The following MYO3A variants were observed in gnomAD, a reference collection of about 807,000 sequenced individuals.
The protein encoded by MYO3A is myosin IIIA.
In MYO3A, 180 loss-of-function variants were observed where a neutral mutation model predicts 192.7. The observed-to-expected ratio is 0.93, with a 90% CI of 0.83 to 1.06. The LOEUF (loss-of-function observed/expected upper bound fraction) is 1.06. Ranked by LOEUF, MYO3A falls within the 50% of genes least tolerant of loss-of-function variation. The probability of loss-of-function intolerance (pLI) is 0.00; values close to 1 mark genes in which losing one functional copy is unlikely to be tolerated. For synonymous variants in MYO3A, 628 were observed against 645.3 expected, an observed-to-expected ratio of 0.97 and a Z score of 0.41; for missense variants, 1,896 against 1,905.0, an observed-to-expected ratio of 1.00 and a Z score of 0.09.
intron 17 of MYO3A, among the ~76,000 whole-genome samples, chr10:26,114,710 A>T (rs61840839): frequency 1.6e-4 from 24 of 152,232 alleles, no homozygotes; most frequent in Non-Finnish European, 3.2e-4. Flanking sequence ...AAACAAAAGA[A>T]AACAGTTTGA....
chr10:26,026,288 C>T (rs1268978636), intron 9 of MYO3A, 89 bp from the exon 10 acceptor site: 12 of 1,459,578 alleles, frequency 8.2e-6, no homozygotes, highest in South Asian at 2.4e-5. Context: ...GCATCACTCT[C>T]GTGTGTTAGA....
chr10:25,991,730 A>G (rs1304751699), intron 4 of MYO3A, among the ~76,000 whole-genome samples: 4 of 152,174 alleles, frequency 2.6e-5, no homozygotes, highest in Admixed American at 2.6e-4. Flanking sequence ...CTTTCTACAT[A>G]TGACTAGCCA....
At chr10:25,962,755 A>G (rs1482322762) in intron 4 of MYO3A, among the ~76,000 whole-genome samples, 1 of 152,196 alleles carries the variant, frequency 6.6e-6, no homozygotes, top group Non-Finnish European at 1.5e-5. Context: ...GATTCTTCAA[A>G]TGCTTCCTAC....
Position 26,125,524 on chromosome 10 carries a change from C to A in MYO3A, c.2030C>A (p.Ala677Asp), listed in dbSNP as rs769917492. 2 of 1,613,882 alleles carry A rather than the reference C, an allele frequency of 1.2e-6. No individual in the cohort carries two copies. The highest frequency in any genetic ancestry group is 2.7e-5 in the African/African-American group (2 of 74,916). Residue 677 changes from alanine (A) to aspartate (D), a missense_variant, in exon 19 of 35, where the codon GCC becomes GAC. Coordinates refer to ENST00000642920, the MANE Select transcript of MYO3A (RefSeq NM_017433.5). ...TVEKATDVRD[A>D]MAKTLYGRLF... Reference sequence around the variant, plus strand: ...GAAAAAGCTACCGATGTCAGGGATGCCATGGCTAAAACTTTATATGGACGT... The same window carrying A: ...GAAAAAGCTACCGATGTCAGGGATGACATGGCTAAAACTTTATATGGACGT...
intron 2 of MYO3A, among the ~76,000 whole-genome samples, chr10:25,947,187 A>C (rs1253434381): frequency 2.0e-5 from 3 of 151,784 alleles, no homozygotes; most frequent in African/African-American, 7.3e-5. Context: ...TCTTCTGCCT[A>C]TTCAAGTCTG....
chr10:26,167,299 T>TAA (rs113880655), intron 27 of MYO3A, among the ~76,000 whole-genome samples: 9 of 151,494 alleles, frequency 5.9e-5, no homozygotes, highest in African/African-American at 9.7e-5. Flanking sequence ...TTAAGAGATT[T>TAA]AAAAAAAAAG....
chr10:26,008,158 G>A lies in MYO3A; in HGVS notation c.509-8662G>A, dbSNP rs1216973920. ...AAGGATTCCCTATTTAATAAATGGTGTTGGGAAAACTGGCTAGTCATATGT... is the reference window on the plus strand; with the variant it reads ...AAGGATTCCCTATTTAATAAATGGTATTGGGAAAACTGGCTAGTCATATGT... On this transcript the variant is annotated intron_variant, in intron 6 of 34. Coordinates refer to ENST00000642920, the MANE Select transcript of MYO3A (RefSeq NM_017433.5). Among the ~76,000 whole-genome samples the A allele has an allele frequency of 8.1e-5, 12 of 147,934 alleles. 1 individual carries two copies. Among genetic ancestry groups the A allele is most frequent in the Admixed American group, 6.7e-5 (1 of 15,014 alleles).
chr10:26,180,829 CG>C (rs1250453762), intron 31 of MYO3A, among the ~76,000 whole-genome samples: 1 of 151,748 alleles, frequency 6.6e-6, no homozygotes, highest in Admixed American at 6.6e-5. Context: ...AGATAAAATA[CG>C]GTAAACATGA....
intron 2 of MYO3A, among the ~76,000 whole-genome samples, chr10:25,939,124 T>C (rs1836307283): frequency 6.6e-6 from 1 of 152,106 alleles, no homozygotes; most frequent in Non-Finnish European, 1.5e-5. Flanking sequence ...TTCTGTAATA[T>C]TTCTAGGAAA....
Position 26,120,690 on chromosome 10 carries a change from A to G in MYO3A, c.1791A>G (p.Ile597Met), listed in dbSNP as rs188230903. Reference sequence around the variant, plus strand: ...GTGTGTTTCAGCAACTTGGTAGTATATACAGCATACTCGCTGCAATCTTGA... The same window carrying G: ...GTGTGTTTCAGCAACTTGGTAGTATGTACAGCATACTCGCTGCAATCTTGA... ...IGFTMEQLGS[I>M]YSILAAILNV... is the part of the protein sequence containing the mutation. The change falls in exon 18 of 35, where the codon ATA becomes ATG. Residue 597 changes from isoleucine (I) to methionine (M), a missense_variant. By Grantham distance (10) the Ile-to-Met change is conservative. Coordinates refer to ENST00000642920, the MANE Select transcript of MYO3A (RefSeq NM_017433.5). The G allele has an allele frequency of 1.9e-6, 3 of 1,614,094 alleles. No individual in the cohort carries two copies. The highest frequency in any genetic ancestry group is 1.3e-5 in the African/African-American group (1 of 75,050).
chr10:26,182,687 T>C (rs1394971852), intron 31 of MYO3A, among the ~76,000 whole-genome samples: 1 of 152,240 alleles, frequency 6.6e-6, no homozygotes, highest in Non-Finnish European at 1.5e-5. Context: ...CCACTTCATT[T>C]TGAAAAATAG....
chr10:26,070,486 A>G, intron 14 of MYO3A, 85 bp downstream of exon 14: 1 of 1,142,766 alleles, frequency 8.8e-7, no homozygotes, highest in South Asian at 1.3e-5. Context: ...AATATTCTCT[A>G]GTATCTCACA....
At chr10:26,098,757 T>A (rs891217228) in intron 17 of MYO3A, among the ~76,000 whole-genome samples, 3 of 152,224 alleles carry the variant, frequency 2.0e-5, no homozygotes, top group Non-Finnish European at 2.9e-5. Context: ...TTCTTTTCTG[T>A]TCCATTGGTC....
At chr10:26,210,436 C>T (rs1213992591) in intron 34 of MYO3A, among the ~76,000 whole-genome samples, 1 of 152,196 alleles carries the variant, frequency 6.6e-6, no homozygotes, top group Non-Finnish European at 1.5e-5. Context: ...CACGTTTAAT[C>T]CATCAGTGAG....
chr10:26,061,119 C>T (rs1235429538), intron 10 of MYO3A, among the ~76,000 whole-genome samples: 1 of 151,820 alleles, frequency 6.6e-6, no homozygotes, highest in African/African-American at 2.4e-5. Context: ...TTAGTAGAGA[C>T]GGGGTTTCAC....
At chr10:26,006,879 T>G (rs1841255579) in intron 6 of MYO3A, among the ~76,000 whole-genome samples, 1 of 151,416 alleles carries the variant, frequency 6.6e-6, no homozygotes, top group Non-Finnish European at 1.5e-5. Context: ...TAACTCATTT[T>G]ATGAGGCCAG....
intron 2 of MYO3A, among the ~76,000 whole-genome samples, chr10:25,943,857 T>C (rs1220628684): frequency 6.6e-6 from 1 of 150,866 alleles, no homozygotes; most frequent in South Asian, 2.1e-4. Flanking sequence ...ACAGAGATAA[T>C]TTCAATTCTT....
At chr10:25,983,702 A>G (rs1839476563) in intron 4 of MYO3A, among the ~76,000 whole-genome samples, 2 of 152,348 alleles carry the variant, frequency 1.3e-5, no homozygotes, top group South Asian at 4.1e-4. Flanking sequence ...AATTGAGGAA[A>G]ACTTCCCCAG....
chr10:26,053,729 G>A (rs1276986896), intron 10 of MYO3A, among the ~76,000 whole-genome samples: 1 of 152,092 alleles, frequency 6.6e-6, no homozygotes, highest in Admixed American at 6.6e-5. Flanking sequence ...AGAGGCTGAG[G>A]CAGGAGAATC....
Sources: gnomAD v4.1 joint callset for allele counts (sites outside exome capture counted in the v4.1 genomes callset) on GRCh38, gnomAD v4.1.1 for gene constraint, MANE v1.5 for transcripts, NCBI Gene and HGNC (gene_info 2026-07-23, HGNC 2026-07-21) for gene names.